Variants in CORO7 observed in about 807,000 individuals in gnomAD.
The protein encoded by CORO7 is coronin 7.
Under a neutral mutation model 126.6 loss-of-function variants are expected in CORO7, and 107 were observed. The observed-to-expected ratio is 0.85, with a 90% CI of 0.72 to 0.99. The LOEUF (loss-of-function observed/expected upper bound fraction) is 0.99. Among genes scored for constraint, CORO7 ranks in the 50% least tolerant of loss-of-function variants. The pLI is 0.00. For missense variants in CORO7, 1,314 were observed against 1,255.8 expected, an observed-to-expected ratio of 1.05 and a Z score of -0.70; for synonymous variants, 603 against 536.8, an observed-to-expected ratio of 1.12 and a Z score of -1.70.
chr16:4,355,331 G>A lies in CORO7; in HGVS notation c.2727C>T (p.Asp909=), dbSNP rs779323684. Residue 909 remains aspartate (D), a synonymous_variant, in exon 27 of 28, where the codon GAC becomes GAT. Coordinates refer to ENST00000251166, the MANE Select transcript of CORO7 (RefSeq NM_024535.5). ...CTTCAAAGGAGTCCTGGGGGAGTGG[G>A]TCCTCCCGGTTCCCCAGTTTTGCCA... ...AMVAKLGNRE[D]PLPQDSFEGV... is the part of the protein sequence containing the mutation. The A allele has an allele frequency of 1.7e-5, 27 of 1,612,692 alleles. No individual in the cohort carries two copies. The highest frequency in any genetic ancestry group is 1.3e-4 in the Admixed American group (8 of 59,970).
At position 4,359,282 on chromosome 16, in the gene CORO7, C is replaced by T; in HGVS notation, c.2340+14G>A. On this transcript the variant is annotated intron_variant, in intron 23 of 27. Coordinates refer to ENST00000251166, the MANE Select transcript of CORO7 (RefSeq NM_024535.5). ...TGTGGTCCCATCGGGGACGAGGCGCCAGGGTGGCCTCACCTTGTGGGGGTC... is the reference window on the plus strand; with the variant it reads ...TGTGGTCCCATCGGGGACGAGGCGCTAGGGTGGCCTCACCTTGTGGGGGTC... 1 of 1,590,468 alleles carries T rather than the reference C, an allele frequency of 6.3e-7. No homozygotes were observed. Among genetic ancestry groups the T allele is most frequent in the South Asian group, 1.1e-5 (1 of 87,198 alleles).
At chr16:4,405,383 A>T in intron 6 of CORO7, 108 bp downstream of exon 6, 6 of 1,262,124 alleles carry the variant, frequency 4.8e-6, no homozygotes, top group Non-Finnish European at 6.4e-6. Flanking sequence ...TCCTGACCTC[A>T]GTGCTCCACT....
intron 2 of CORO7, chr16:4,412,987 C>T: frequency 3.2e-6 from 1 of 310,074 alleles, no homozygotes; most frequent in Non-Finnish European, 6.0e-6. Context: ...CTGTCCCCAG[C>T]CATCCAGGGC....
At position 4,355,310 on chromosome 16, in the gene CORO7, A is replaced by G; in HGVS notation, c.2748T>C (p.Phe916=). 5.6e-6 allele frequency: 9 copies of G among 1,613,440 alleles called. No homozygotes were observed. Among genetic ancestry groups the G allele is most frequent in the Non-Finnish European group, 7.6e-6 (9 of 1,179,948 alleles). ...NREDPLPQDS[F]EGVDEDEWD is the part of the protein sequence containing the mutation. Reference sequence around the variant, plus strand: ...CCCACTCGTCCTCGTCCACGCCTTCAAAGGAGTCCTGGGGGAGTGGGTCCT... The same window carrying G: ...CCCACTCGTCCTCGTCCACGCCTTCGAAGGAGTCCTGGGGGAGTGGGTCCT... Residue 916 remains phenylalanine, a synonymous_variant, in exon 27 of 28, where the codon TTT becomes TTC. Coordinates refer to ENST00000251166, the MANE Select transcript of CORO7 (RefSeq NM_024535.5).
In CORO7 at chr16:4,361,043, G is replaced by A; in HGVS notation, c.1817C>T (p.Ala606Val). The change falls in exon 19 of 28, where the codon GCA becomes GTA. Residue 606 changes from alanine (A) to valine (V), a missense_variant. Transcript: ENST00000251166. Reference sequence around the variant, plus strand: ...GGAGGACGAGGCCAGCACATTGGCTGCCAGTGGGTGGAAGCGCAGGGAGCA... The same window carrying A: ...GGAGGACGAGGCCAGCACATTGGCTACCAGTGGGTGGAAGCGCAGGGAGCA... The part of the protein sequence containing the change: ...KICSLRFHPL[A>V]ANVLASSSYD... 1 of 1,613,382 alleles carries A rather than the reference G, an allele frequency of 6.2e-7. No individual in the cohort carries two copies. Among genetic ancestry groups the A allele is most frequent in the East Asian group, 2.2e-5 (1 of 44,884 alleles).
rs780604323 is a variant in CORO7, at chr16:4,360,935, C to T, written c.1917+8G>A. 2.5e-6 allele frequency: 4 copies of T among 1,609,716 alleles called. No individual in the cohort carries two copies. Among genetic ancestry groups the T allele is most frequent in the Admixed American group, 1.7e-5 (1 of 60,000 alleles). On this transcript the variant is annotated splice_region_variant and intron_variant, in intron 19 of 27. Transcript: ENST00000251166. Reference sequence around the variant, plus strand: ...ACACTGCTGGCCCCACCTCTGCAGCCGTCCTACCTGGTCTTGGTGGCCCTG... The same window carrying T: ...ACACTGCTGGCCCCACCTCTGCAGCTGTCCTACCTGGTCTTGGTGGCCCTG...
Position 4,357,083 on chromosome 16 carries a change from G to C in CORO7, c.2685+85C>G, listed in dbSNP as rs1246407278. The stretch of plus-strand genomic sequence containing the variant: ...GACATGTGGCTGCTGTCCCAGTCTG[G>C]GTTGGGGATGGAGAACTAAGGGGCC... On this transcript the variant is annotated intron_variant, in intron 26 of 27. Coordinates refer to ENST00000251166, the MANE Select transcript of CORO7 (RefSeq NM_024535.5). 6 of 1,542,902 alleles carry C rather than the reference G, an allele frequency of 3.9e-6. No homozygotes were observed. The Admixed American group carries it at 5.3e-5, about 14-fold the overall frequency.
chr16:4,411,321 AG>A (rs2056199935), intron 3 of CORO7, among the ~76,000 whole-genome samples: 1 of 152,132 alleles, frequency 6.6e-6, no homozygotes, highest in Non-Finnish European at 1.5e-5. Context: ...TGAGCCCAGG[AG>A]GTCAAGGCTA....
At chr16:4,394,878 A>G (rs1347607681) in intron 7 of CORO7, among the ~76,000 whole-genome samples, 1 of 152,212 alleles carries the variant, frequency 6.6e-6, no homozygotes, top group East Asian at 1.9e-4. Context: ...CAGTCCCTGG[A>G]CCCTGTACGT....
intron 6 of CORO7, among the ~76,000 whole-genome samples, chr16:4,397,921 G>GT (rs2055659546): frequency 6.8e-6 from 1 of 146,356 alleles, no homozygotes; most frequent in African/African-American, 2.5e-5. Context: ...AGCCTTTTTT[G>GT]TTTGTTTGTT....
intron 7 of CORO7, among the ~76,000 whole-genome samples, chr16:4,389,392 C>T (rs932747708): frequency 1.3e-5 from 2 of 152,166 alleles, no homozygotes; most frequent in African/African-American, 4.8e-5. Flanking sequence ...CACCCTGGCC[C>T]CTGGAGCCTG....
intron 6 of CORO7, among the ~76,000 whole-genome samples, chr16:4,403,506 G>A (rs144645695): frequency 3.3e-5 from 5 of 152,214 alleles, no homozygotes; most frequent in East Asian, 1.9e-4. Flanking sequence ...TCACTCCCAC[G>A]ACCCACTTAG....
chr16:4,390,510 AG>A (rs2055349935), intron 7 of CORO7, among the ~76,000 whole-genome samples: 1 of 152,192 alleles, frequency 6.6e-6, no homozygotes, highest in African/African-American at 2.4e-5. Context: ...GGCGTGAGCC[AG>A]GTATGGGAAC....
chr16:4,390,794 C>T (rs1472248336), intron 7 of CORO7, among the ~76,000 whole-genome samples: 1 of 152,220 alleles, frequency 6.6e-6, no homozygotes, highest in East Asian at 1.9e-4. Context: ...TCCACCTGCA[C>T]AAGATGGACG....
At chr16:4,398,740 C>A (rs572952237) in intron 6 of CORO7, among the ~76,000 whole-genome samples, 13 of 151,778 alleles carry the variant, frequency 8.6e-5, no homozygotes, top group African/African-American at 2.9e-4. Flanking sequence ...GAGGCCAAGG[C>A]GGGCGGATCA....
intron 9 of CORO7, among the ~76,000 whole-genome samples, chr16:4,377,814 A>G (rs1443459023): frequency 6.6e-6 from 1 of 152,092 alleles, no homozygotes. Flanking sequence ...CAGGCAAAAG[A>G]GCTCACCGCA....
rs1305368358 is a variant in CORO7, at chr16:4,360,354, C to G, written c.2032G>C (p.Gly678Arg). 1.2e-6 allele frequency: 2 copies of G among 1,613,668 alleles called. No individual in the cohort carries two copies. The highest frequency in any genetic ancestry group is 1.1e-5 in the South Asian group (1 of 91,088). ...SGPEPLQEGP[G>R]PKGGRGARIV... The stretch of plus-strand genomic sequence containing the variant: ...CGAGCTCCGCGTCCTCCCTTGGGCC[C>G]TGGGCCTTCCTGTTGAGATACATCG... Residue 678 changes from glycine to arginine, a missense_variant, in exon 21 of 28, where the codon GGG becomes CGG. Transcript: ENST00000251166.
At chr16:4,412,569 C>A in intron 2 of CORO7, 139 bp from the exon 3 acceptor site, 1 of 819,202 alleles carries the variant, frequency 1.2e-6, no homozygotes, top group Non-Finnish European at 1.9e-6. Context: ...ATCATATCCT[C>A]TGCACGTAGC....
At chr16:4,367,507 G>A (rs2054383987) in intron 9 of CORO7, among the ~76,000 whole-genome samples, 1 of 152,198 alleles carries the variant, frequency 6.6e-6, no homozygotes. Context: ...GGTGCTCACA[G>A]CCTAGCACAA....
Sources: gnomAD v4.1 joint callset for allele counts (sites outside exome capture counted in the v4.1 genomes callset) on GRCh38, gnomAD v4.1.1 for gene constraint, MANE v1.5 for transcripts, NCBI Gene and HGNC (gene_info 2026-07-23, HGNC 2026-07-21) for gene names.